NOL3: variants seen among roughly 807,000 people sequenced by gnomAD.
The protein encoded by NOL3 is muscle-enriched cytoplasmic protein.
NOL3 carries 18 observed loss-of-function variants against 19.2 expected under a neutral mutation model. The ratio of observed to expected loss-of-function variants is 0.94; its 90% CI spans 0.65 to 1.39. The LOEUF (loss-of-function observed/expected upper bound fraction) is 1.39, where lower values mean the gene tolerates loss of function less well. NOL3 is among the 40% of genes most tolerant of loss of function. NOL3 has a pLI of 0.00. For missense variants in NOL3, 290 were observed against 289.5 expected (o/e 1.00, Z -0.01); for synonymous variants, 127 against 137.3 (o/e 0.93, Z 0.52).
chr16:67,174,714 CT>C lies in NOL3; in HGVS notation c.391del (p.Ser131GlnfsTer93), dbSNP rs762868329. ...ACCACATGCCCCGGGTTGCCCAGAG[CT>C]TCAGACCCTGACGAGGCCGGGGGCC... is the stretch of plus-strand genomic sequence containing the variant. On this transcript the variant is annotated frameshift_variant, in exon 3 of 4. Transcript: ENST00000268605. LOFTEE classifies it high-confidence loss of function. 1 of 1,610,622 alleles carries C rather than the reference CT, an allele frequency of 6.2e-7. No individual in the cohort carries two copies. The highest frequency in any genetic ancestry group is 8.5e-7 in the Non-Finnish European group (1 of 1,178,804).
chr16:67,175,191 G>T (rs1426049374), exon 4 of NOL3: 1 of 1,550,754 alleles, frequency 6.4e-7, no homozygotes, highest in Admixed American at 1.9e-5. Context: ...GGGTCGGACG[G>T]GACCTGGGCT....
exon 4 of NOL3, chr16:67,175,108 G>A (rs1468542579): frequency 6.2e-7 from 1 of 1,614,078 alleles, no homozygotes; most frequent in Non-Finnish European, 8.5e-7. Context: ...GACCTGGGAT[G>A]CTGCTGGAGC....
At position 67,172,439 on chromosome 16, in the gene NOL3, C is replaced by T. The variant is rs556024324; in HGVS notation, c.-8-1723C>T. Among the ~76,000 whole-genome samples, 35 of 151,462 alleles carry T rather than the reference C, an allele frequency of 2.3e-4. 1 individual carries two copies. In the South Asian group the frequency reaches 4.6e-3, roughly 20 times the overall value. The stretch of plus-strand genomic sequence containing the variant: ...CAGCCTAGCCAACATAGTGAAACCC[C>T]GTCTCAACTAAAAACACAAAAAATT... On this transcript the variant is annotated intron_variant, in intron 1 of 3. Coordinates refer to ENST00000268605, the Ensembl canonical transcript of NOL3.
exon 2 of NOL3, chr16:67,174,252 G>A (rs755933859): frequency 1.2e-6 from 2 of 1,612,788 alleles, no homozygotes; most frequent in Non-Finnish European, 1.7e-6. Context: ...GCGGACTCGG[G>A]ACTGCTGTTG....
Position 67,170,824 on chromosome 16 carries a change from C to G in NOL3, c.-9+250C>G, listed in dbSNP as rs1385074767. 6.6e-6 allele frequency among the ~76,000 whole-genome samples: 1 copy of G among 152,230 alleles called. No homozygotes were observed. The highest frequency in any genetic ancestry group is 1.5e-5 in the Non-Finnish European group (1 of 68,040). ...GTCGCACATGCGCAAAGGCTCTTCA[C>G]TGTCCCAAGACCCTGGCTTCCTGGC... On this transcript the variant is annotated intron_variant, in intron 1 of 3. Coordinates refer to ENST00000268605, the Ensembl canonical transcript of NOL3. The surrounding 1 kb of genome is among the most constrained non-coding windows in gnomAD (Gnocchi z 5.7).
intron 1 of NOL3, chr16:67,171,034 C>G (rs893306670): frequency 7.2e-5 from 11 of 152,296 alleles, no homozygotes; most frequent in Non-Finnish European, 1.5e-4. Flanking sequence ...TACCCCCAGA[C>G]AGGATAAAGG....
chr16:67,174,102 G>A, intron 1 of NOL3, 60 bp from the exon 2 acceptor site: 1 of 1,599,028 alleles, frequency 6.3e-7, no homozygotes. Context: ...AGTGGTCAGA[G>A]GCGGCGAGGG....
rs2032069191 is a variant in NOL3, at chr16:67,174,893, G to T, written c.568G>T (p.Glu190Ter). 1.2e-6 allele frequency: 2 copies of T among 1,613,788 alleles called. No homozygotes were observed. The highest frequency in any genetic ancestry group is 1.7e-6 in the Non-Finnish European group (2 of 1,179,822). ...AGAACCAGAGCCGGAACTGGAGCCA[G>T]AACCGGACCCAGAGCCCGAGCCCGA... is the stretch of plus-strand genomic sequence containing the variant. The change falls in exon 3 of 4, where the codon GAA (glutamate) becomes TAA (stop). Residue 190 changes from glutamate (E) to a stop codon, truncating the protein, a stop_gained. Coordinates refer to ENST00000268605, the Ensembl canonical transcript of NOL3. LOFTEE classifies it high-confidence loss of function.
intron 1 of NOL3, chr16:67,173,857 T>C: frequency 1.3e-6 from 2 of 1,533,956 alleles, no homozygotes; most frequent in Non-Finnish European, 1.7e-6. Flanking sequence ...GGGGAGGGCA[T>C]TCAGAGAGTA....
Position 67,175,035 on chromosome 16 carries a change from C to G in NOL3, c.620-12C>G, listed in dbSNP as rs181139137. The G allele has an allele frequency of 5.0e-5, 81 of 1,614,122 alleles. No homozygotes were observed. The African/African-American group carries it at 5.7e-4, about 11-fold the overall frequency. On this transcript the variant is annotated splice_polypyrimidine_tract_variant and intron_variant, in intron 3 of 3. Transcript: ENST00000268605. ...ACCCCACCTCTTTGACCACTGTTCC[C>G]GTCATCTCTAGATTCCTGAAGGCCA...
At chr16:67,173,702 C>T (rs1282300692) in intron 1 of NOL3, 2 of 620,316 alleles carry the variant, frequency 3.2e-6, no homozygotes, top group Non-Finnish European at 5.6e-6. Flanking sequence ...TGTCTGCAAG[C>T]TGGGTGTGGA....
intron 2 of NOL3, 41 bp downstream of exon 2, chr16:67,174,505 G>A (rs1327709029): frequency 6.8e-7 from 1 of 1,467,080 alleles, no homozygotes; most frequent in Non-Finnish European, 9.0e-7. Flanking sequence ...GCAGGGACGG[G>A]GCTGGGGCAG....
chr16:67,173,496 G>A (rs1014159370), intron 1 of NOL3, among the ~76,000 whole-genome samples: 20 of 152,136 alleles, frequency 1.3e-4, no homozygotes, highest in Admixed American at 4.6e-4. Flanking sequence ...GGATATCAGG[G>A]TCAAGGTAAG....
chr16:67,175,445 C>G (rs1276280828), exon 4 of NOL3: 2 of 710,496 alleles, frequency 2.8e-6, no homozygotes, highest in Non-Finnish European at 3.6e-6. Context: ...TATGTAGGTA[C>G]CAGCTCAACC....
At chr16:67,174,892 A>G (rs1302524499) in exon 3 of NOL3, 1 of 1,613,730 alleles carries the variant, frequency 6.2e-7, no homozygotes, top group Admixed American at 1.7e-5. Flanking sequence ...AACTGGAGCC[A>G]GAACCGGACC....
intron 1 of NOL3, chr16:67,173,756 A>T: frequency 1.0e-6 from 1 of 970,244 alleles, no homozygotes; most frequent in Non-Finnish European, 1.5e-6. Flanking sequence ...TTAGGTGGGG[A>T]AGCAGATTTG....
At chr16:67,173,427 T>G (rs757167087) in intron 1 of NOL3, among the ~76,000 whole-genome samples, 6 of 152,108 alleles carry the variant, frequency 3.9e-5, no homozygotes, top group Non-Finnish European at 5.9e-5. Context: ...ACATTGGGGT[T>G]GCACTATGGT....
intron 1 of NOL3, chr16:67,172,034 G>C (rs1219663582): frequency 6.6e-6 from 1 of 152,244 alleles, no homozygotes; most frequent in Non-Finnish European, 1.5e-5. Flanking sequence ...TACTGAGAAA[G>C]ACCTGGGAGG....
chr16:67,173,476 C>T (rs2031894835), intron 1 of NOL3, among the ~76,000 whole-genome samples: 1 of 151,970 alleles, frequency 6.6e-6, no homozygotes, highest in South Asian at 2.1e-4. Context: ...GGGGCTTGTC[C>T]TGGAAAGTTG....
Sources: allele counts gnomAD v4.1 joint callset (sites outside exome capture counted in the v4.1 genomes callset), GRCh38; gene constraint gnomAD v4.1.1; non-coding constraint Gnocchi (gnomAD v3.1); transcripts MANE v1.5; gene names NCBI Gene and HGNC (gene_info 2026-07-23, HGNC 2026-07-21).